CYP4B1: variants seen among roughly 807,000 people sequenced by gnomAD.
The protein encoded by CYP4B1 is cytochrome P450 family 4 subfamily B member 1, also known as cytochrome P450 4B1.
CYP4B1 carries 45 observed loss-of-function variants against 54.0 expected under a neutral mutation model. That is an observed-to-expected ratio of 0.83 (90% CI 0.66 to 1.07). The LOEUF (loss-of-function observed/expected upper bound fraction) is 1.07, where lower values mean the gene tolerates loss of function less well. Among genes scored for constraint, CYP4B1 ranks in the 50% least tolerant of loss-of-function variants. The probability of loss-of-function intolerance (pLI) is 0.00; values close to 1 mark genes in which losing one functional copy is unlikely to be tolerated. For synonymous variants in CYP4B1, 248 were observed against 247.5 expected (o/e 1.00, Z -0.02); for missense variants, 656 against 655.4 (o/e 1.00, Z -0.01).
At chr1:46,810,783 C>A (rs777102115) in intron 1 of CYP4B1, 25 bp from the exon 2 acceptor site, 14 of 1,613,854 alleles carry the variant, frequency 8.7e-6, no homozygotes, top group Non-Finnish European at 1.0e-5. Flanking sequence ...TCCTGAGTGA[C>A]CTTGGCCTTC....
Position 46,812,536 on chromosome 1 carries a change from G to C in CYP4B1, c.408G>C (p.Gln136His). 1 of 1,614,052 alleles carries C rather than the reference G, an allele frequency of 6.2e-7. No individual in the cohort carries two copies. Among genetic ancestry groups the C allele is most frequent in the Non-Finnish European group, 8.5e-7 (1 of 1,179,974 alleles). Residue 136 changes from glutamine to histidine, a missense_variant, in exon 4 of 12, where the codon CAG becomes CAC. Transcript: ENST00000371923. Reference sequence around the variant, plus strand: ...TTCTTGAGGGGCCCAAGTGGTTGCAGCACCGCAAGCTGCTCACACCTGGCT... The same window carrying C: ...TTCTTGAGGGGCCCAAGTGGTTGCACCACCGCAAGCTGCTCACACCTGGCT... ...LLVLEGPKWL[Q>H]HRKLLTPGFH...
intron 8 of CYP4B1, 144 bp downstream of exon 8, chr1:46,815,408 G>C (rs767801042): frequency 4.2e-6 from 3 of 716,078 alleles, no homozygotes; most frequent in Non-Finnish European, 6.3e-6. Context: ...TGGTGGTGGG[G>C]GGTGGGGAGA....
intron 8 of CYP4B1, among the ~76,000 whole-genome samples, chr1:46,815,794 C>T (rs554224575): frequency 6.6e-6 from 1 of 152,310 alleles, no homozygotes; most frequent in South Asian, 2.1e-4. Flanking sequence ...AGACTGAACT[C>T]CTAAACACTT....
At chr1:46,817,851 G>GT (rs1679397285) in intron 9 of CYP4B1, 114 bp from the exon 10 acceptor site, 1 of 846,108 alleles carries the variant, frequency 1.2e-6, no homozygotes, top group Admixed American at 1.8e-5. Context: ...ACTGGCAGTG[G>GT]TCAGGCAGGA....
Position 46,811,199 on chromosome 1 carries a change from G to A in CYP4B1, c.367+15G>A. On this transcript the variant is annotated intron_variant, in intron 3 of 11. Transcript: ENST00000371923. ...CCAGTGGATTGGTGAGTGAGCACCT[G>A]CCTTCCCTGCCCTGCCAACCTCAGA... is the stretch of plus-strand genomic sequence containing the variant. 1 of 1,613,714 alleles carries A rather than the reference G, an allele frequency of 6.2e-7. No homozygotes were observed. The highest frequency in any genetic ancestry group is 8.5e-7 in the Non-Finnish European group (1 of 1,179,666).
intron 1 of CYP4B1, among the ~76,000 whole-genome samples, chr1:46,803,203 T>G (rs933640605): frequency 6.6e-6 from 1 of 152,088 alleles, no homozygotes; most frequent in Non-Finnish European, 1.5e-5. Context: ...AAAGATCACT[T>G]TGGCTTCAAG....
chr1:46,811,799 A>C (rs1679111149), intron 3 of CYP4B1, among the ~76,000 whole-genome samples: 1 of 152,090 alleles, frequency 6.6e-6, no homozygotes. Context: ...CTCCTCTTTT[A>C]CTCATGATCC....
At chr1:46,816,003 A>T (rs1405969429) in intron 8 of CYP4B1, among the ~76,000 whole-genome samples, 1 of 152,062 alleles carries the variant, frequency 6.6e-6, no homozygotes, top group Non-Finnish European at 1.5e-5. Context: ...CAGAGGGGGA[A>T]CTTTAGATCC....
intron 4 of CYP4B1, among the ~76,000 whole-genome samples, chr1:46,812,942 A>G (rs1306496556): frequency 6.6e-6 from 1 of 152,204 alleles, no homozygotes; most frequent in African/African-American, 2.4e-5. Flanking sequence ...AGCAGGTTTG[A>G]GGACTGCCTA....
chr1:46,802,957 G>T (rs1678719918), intron 1 of CYP4B1, among the ~76,000 whole-genome samples: 1 of 152,232 alleles, frequency 6.6e-6, no homozygotes, highest in South Asian at 2.1e-4. Context: ...GGAAAAAGCA[G>T]TGTGTTTAGG....
intron 1 of CYP4B1, 82 bp downstream of exon 1, chr1:46,799,343 G>C: frequency 1.5e-6 from 2 of 1,323,440 alleles, no homozygotes; most frequent in South Asian, 2.8e-5. Flanking sequence ...CCAGGGGGCT[G>C]TGGAGGGAGA....
At chr1:46,799,803 G>T (rs1436675526) in intron 1 of CYP4B1, among the ~76,000 whole-genome samples, 2 of 152,220 alleles carry the variant, frequency 1.3e-5, no homozygotes, top group Non-Finnish European at 2.9e-5. Flanking sequence ...CTCAGGAGCC[G>T]TGACACCTTC....
intron 10 of CYP4B1, 38 bp downstream of exon 10, chr1:46,818,067 G>A (rs759646194): frequency 6.2e-7 from 1 of 1,613,564 alleles, no homozygotes; most frequent in Non-Finnish European, 8.5e-7. Flanking sequence ...GACAGGGTGG[G>A]GGACTGGGAG....
intron 8 of CYP4B1, among the ~76,000 whole-genome samples, chr1:46,816,607 T>TACACA (rs1316400691): frequency 1.8e-5 from 2 of 112,692 alleles, no homozygotes; most frequent in South Asian, 3.4e-4. Flanking sequence ...CACACACACT[T>TACACA]CACCTCATTA....
chr1:46,818,281 A>G, intron 11 of CYP4B1, 68 bp downstream of exon 11: 1 of 1,384,830 alleles, frequency 7.2e-7, no homozygotes, highest in East Asian at 2.3e-5. Context: ...ATCATAGGGG[A>G]GGCACTATTA....
chr1:46,806,250 C>T (rs1281018724), intron 1 of CYP4B1, among the ~76,000 whole-genome samples: 3 of 152,224 alleles, frequency 2.0e-5, no homozygotes, highest in Non-Finnish European at 4.4e-5. Flanking sequence ...CTATGACATG[C>T]TGCCGAAAAG....
chr1:46,810,756 A>G (rs1290881772), intron 1 of CYP4B1, 52 bp from the exon 2 acceptor site: 3 of 1,608,762 alleles, frequency 1.9e-6, no homozygotes, highest in Non-Finnish European at 2.6e-6. Context: ...CTTGGGGCCT[A>G]GCTGGTGACA....
chr1:46,803,246 G>T (rs935846003), intron 1 of CYP4B1, among the ~76,000 whole-genome samples: 9 of 152,210 alleles, frequency 5.9e-5, no homozygotes, highest in African/African-American at 2.2e-4. Context: ...GCAAATAGGA[G>T]GCAGGGAGGC....
chr1:46,800,172 C>CT (rs1553130073), intron 1 of CYP4B1, among the ~76,000 whole-genome samples: 24 of 38,402 alleles, frequency 6.2e-4, no homozygotes, highest in Middle Eastern at 0.017. Context: ...TTCTTTTTTT[C>CT]TTCTTTCTTT....
Sources: gnomAD v4.1 joint callset for allele counts (sites outside exome capture counted in the v4.1 genomes callset) on GRCh38, gnomAD v4.1.1 for gene constraint, MANE v1.5 for transcripts, NCBI Gene and HGNC (gene_info 2026-07-23, HGNC 2026-07-21) for gene names.